Variants in SCARA3 observed in about 807,000 individuals in gnomAD.
SCARA3 encodes the protein cellular stress response gene protein.
In SCARA3, 39 loss-of-function variants were observed where a neutral mutation model predicts 47.0. The ratio of observed to expected loss-of-function variants is 0.83; its 90% CI spans 0.64 to 1.08. SCARA3 has a LOEUF of 1.08. SCARA3 is among the 50% of genes least tolerant of loss of function. The probability of loss-of-function intolerance (pLI) is 0.00; values close to 1 mark genes in which losing one functional copy is unlikely to be tolerated. For synonymous variants in SCARA3, 356 were observed against 334.1 expected (o/e 1.07, Z -0.71); for missense variants, 724 against 792.3 (o/e 0.91, Z 1.04).
intron 1 of SCARA3, among the ~76,000 whole-genome samples, chr8:27,637,281 G>A (rs1801274033): frequency 6.6e-6 from 1 of 152,224 alleles, no homozygotes; most frequent in African/African-American, 2.4e-5. Flanking sequence ...CCTCTCACAC[G>A]CAGCCCTAAG....
chr8:27,655,532 A>G (rs1365995467), intron 3 of SCARA3, among the ~76,000 whole-genome samples: 1 of 152,184 alleles, frequency 6.6e-6, no homozygotes, highest in African/African-American at 2.4e-5. Flanking sequence ...AAGTGGTGTA[A>G]TCTTTTCTGG....
At position 27,672,063 on chromosome 8, in the gene SCARA3, T is replaced by A. The variant is rs112072094; in HGVS notation, c.*712T>A. 7.1e-6 allele frequency: 7 copies of A among 985,232 alleles called. No individual in the cohort carries two copies. The highest frequency in any genetic ancestry group is 5.2e-5 in the African/African-American group (3 of 57,282). 61.0% of individuals were successfully genotyped at this position (985,232 alleles called of 1,614,324 possible). On this transcript the variant is annotated 3_prime_UTR_variant, in exon 6 of 6. Coordinates refer to ENST00000301904, the MANE Select transcript of SCARA3 (RefSeq NM_016240.3). ...GCGGGTGGGGCGTTACTGCCAAAAC[T>A]CCAGAGGCAAAGTGGACCTGGCAAC...
At chr8:27,669,931 T>TC (rs1384784230) in intron 5 of SCARA3, among the ~76,000 whole-genome samples, 3 of 151,934 alleles carry the variant, frequency 2.0e-5, no homozygotes, top group African/African-American at 4.8e-5. Flanking sequence ...CAGAATCCCT[T>TC]CCCCCGAGAG....
chr8:27,653,869 G>T (rs1317969230), intron 3 of SCARA3, among the ~76,000 whole-genome samples: 3 of 152,038 alleles, frequency 2.0e-5, no homozygotes, highest in South Asian at 2.1e-4. Flanking sequence ...TCTGTAAAAG[G>T]CTACATAGTA....
chr8:27,702,044 G>A, the SCARA3 span: 5 of 152,156 alleles, frequency 3.3e-5, no homozygotes, highest in Admixed American at 6.5e-5. Flanking sequence ...GAATATGTGT[G>A]AGTAGGACAC....
At chr8:27,687,971 G>A in the SCARA3 span, among the ~76,000 whole-genome samples, 5 of 152,042 alleles carry the variant, frequency 3.3e-5, no homozygotes, top group Admixed American at 1.3e-4. Context: ...AGCTGAGATC[G>A]CACCACTGCA....
chr8:27,704,147 C>G, the SCARA3 span, among the ~76,000 whole-genome samples: 1 of 151,960 alleles, frequency 6.6e-6, no homozygotes, highest in Non-Finnish European at 1.5e-5. Context: ...AGAATATTAA[C>G]AAGAAGAGTG....
the SCARA3 span, among the ~76,000 whole-genome samples, chr8:27,710,558 G>A: frequency 6.6e-6 from 1 of 152,130 alleles, no homozygotes; most frequent in African/African-American, 2.4e-5. Context: ...ATGGCCGCAC[G>A]TCTTTCAACT....
the SCARA3 span, among the ~76,000 whole-genome samples, chr8:27,718,190 A>G: frequency 6.6e-6 from 1 of 150,654 alleles, no homozygotes; most frequent in African/African-American, 2.4e-5. Context: ...TCTGTGGAAA[A>G]CTCCCTGGCC....
Position 27,633,941 on chromosome 8 carries a change from G to T in SCARA3, c.-260G>T. 5.9e-6 allele frequency: 1 copy of T among 168,318 alleles called. No individual in the cohort carries two copies. The highest frequency in any genetic ancestry group is 1.7e-4 in the South Asian group (1 of 5,798). The allele number at this position is 168,318 out of a possible 1,614,324, so 10.4% of individuals were successfully genotyped here. A position where few individuals can be genotyped will look rare whatever the true frequency, so the allele number is the denominator to read the frequency against. ...CCCAGCGGGAAGCGCGGGCGGCGGC[G>T]GGATGCGCGCTCTGGGCGGCGGGGC... On this transcript the variant is annotated 5_prime_UTR_variant, in exon 1 of 6. Coordinates refer to ENST00000301904, the MANE Select transcript of SCARA3 (RefSeq NM_016240.3).
At chr8:27,669,231 G>T (rs471491) in intron 5 of SCARA3, among the ~76,000 whole-genome samples, 31,129 of 152,134 alleles carry the variant, frequency 0.2, 3,534 homozygotes, top group Middle Eastern at 0.35. Flanking sequence ...GAAGCTGAGT[G>T]AGCACGCAAT....
the SCARA3 span, among the ~76,000 whole-genome samples, chr8:27,709,534 G>T: frequency 2.6e-5 from 4 of 152,212 alleles, no homozygotes; most frequent in Non-Finnish European, 5.9e-5. Flanking sequence ...CACTGAGGCA[G>T]GGGGAGGCGC....
chr8:27,664,982 T>G (rs1302049138), intron 5 of SCARA3, among the ~76,000 whole-genome samples: 1 of 152,206 alleles, frequency 6.6e-6, no homozygotes, highest in Admixed American at 6.5e-5. Flanking sequence ...TGCACATCCC[T>G]TTCTCTGGGG....
chr8:27,654,237 A>G (rs529042429), intron 3 of SCARA3, among the ~76,000 whole-genome samples: 33 of 152,346 alleles, frequency 2.2e-4, no homozygotes, highest in African/African-American at 7.5e-4. Flanking sequence ...AAGTCCTTCT[A>G]TTCTTTTGTT....
chr8:27,712,953 A>G, the SCARA3 span, among the ~76,000 whole-genome samples: 1 of 152,264 alleles, frequency 6.6e-6, no homozygotes, highest in Admixed American at 6.5e-5. Flanking sequence ...TAAGTTGTTA[A>G]TACAATGTCC....
chr8:27,729,706 G>A, the SCARA3 span, among the ~76,000 whole-genome samples: 88 of 152,220 alleles, frequency 5.8e-4, no homozygotes, highest in African/African-American at 2.0e-3. Context: ...CAGGAGAATC[G>A]CGTGAACCCG....
chr8:27,640,509 A>G (rs1324239022), intron 1 of SCARA3, among the ~76,000 whole-genome samples: 1 of 152,064 alleles, frequency 6.6e-6, no homozygotes, highest in East Asian at 1.9e-4. Flanking sequence ...CCTCCCAAGT[A>G]GCTGGGACTA....
the SCARA3 span, among the ~76,000 whole-genome samples, chr8:27,713,166 C>A: frequency 6.2e-4 from 95 of 152,330 alleles, no homozygotes; most frequent in African/African-American, 2.1e-3. Flanking sequence ...TTGTATTTGA[C>A]CATTTTGTTT....
the SCARA3 span, among the ~76,000 whole-genome samples, chr8:27,688,153 T>C: frequency 6.6e-6 from 1 of 152,176 alleles, no homozygotes; most frequent in African/African-American, 2.4e-5. Context: ...TTATTAAATG[T>C]CTCCTGCATT....
Sources: allele counts gnomAD v4.1 joint callset (sites outside exome capture counted in the v4.1 genomes callset), GRCh38; gene constraint gnomAD v4.1.1; transcripts MANE v1.5; gene names NCBI Gene and HGNC (gene_info 2026-07-23, HGNC 2026-07-21).